Variants in LHPP observed in about 807,000 individuals in gnomAD.
LHPP encodes phospholysine phosphohistidine inorganic pyrophosphate phosphatase.
Under a neutral mutation model 30.3 loss-of-function variants are expected in LHPP, and 24 were observed. The observed-to-expected ratio is 0.79, with a 90% CI of 0.57 to 1.11. LHPP has a LOEUF of 1.11. LHPP is among the 50% of genes most tolerant of loss of function. The pLI, the probability that LHPP is intolerant of heterozygous loss-of-function variation, is 0.00. For synonymous variants in LHPP, 150 were observed against 157.1 expected (o/e 0.95, Z 0.34); for missense variants, 356 against 367.2 (o/e 0.97, Z 0.25).
chr10:124,499,272 G>A (rs1274276728), intron 5 of LHPP, among the ~76,000 whole-genome samples: 5 of 151,470 alleles, frequency 3.3e-5, no homozygotes, highest in Admixed American at 2.0e-4. Flanking sequence ...CTCCTGCCTC[G>A]GCCTCCCAAA....
chr10:124,537,605 G>A (rs755646541), intron 6 of LHPP, among the ~76,000 whole-genome samples: 10 of 152,212 alleles, frequency 6.6e-5, no homozygotes, highest in African/African-American at 2.2e-4. Context: ...GACCGTGCTC[G>A]TGAGAGATGG....
At chr10:124,512,616 CA>C (rs34808470) in intron 5 of LHPP, among the ~76,000 whole-genome samples, 752 of 54,158 alleles carry the variant, frequency 0.014, 2 homozygotes, top group African/African-American at 0.048. Context: ...GACTCCGTCT[CA>C]AAAAAAAAAA....
At chr10:124,572,397 G>A (rs1056724265) in intron 6 of LHPP, among the ~76,000 whole-genome samples, 1 of 152,042 alleles carries the variant, frequency 6.6e-6, no homozygotes, top group African/African-American at 2.4e-5. Flanking sequence ...TTGGGAGGCC[G>A]AGGTGGGTGG....
intron 1 of LHPP, among the ~76,000 whole-genome samples, chr10:124,462,316 G>A (rs191283379): frequency 1.7e-3 from 262 of 152,328 alleles, no homozygotes; most frequent in African/African-American, 6.1e-3. Flanking sequence ...AGACTTAGCC[G>A]GGCGCGGTGG....
chr10:124,489,738 C>T (rs1211714052), intron 3 of LHPP: 1 of 165,318 alleles, frequency 6.0e-6, no homozygotes, highest in East Asian at 1.8e-4. Flanking sequence ...AGGCATGAGC[C>T]ACCGCCCCCA....
At chr10:124,493,545 C>T (rs753005733) in intron 3 of LHPP, among the ~76,000 whole-genome samples, 4 of 152,188 alleles carry the variant, frequency 2.6e-5, no homozygotes, top group Non-Finnish European at 4.4e-5. Flanking sequence ...TCTGTCATGC[C>T]GCTCTCAGAA....
chr10:124,488,596 G>C, intron 3 of LHPP, 21 bp downstream of exon 3: 1 of 1,596,202 alleles, frequency 6.3e-7, no homozygotes, highest in Non-Finnish European at 8.5e-7. Flanking sequence ...TCCAGGGAGA[G>C]TCATTTCTCG....
At chr10:124,484,613 C>G (rs572511980) in intron 2 of LHPP, among the ~76,000 whole-genome samples, 2 of 150,686 alleles carry the variant, frequency 1.3e-5, no homozygotes, top group Admixed American at 1.3e-4. Flanking sequence ...CTAGGATGGA[C>G]CAAGCGGCCA....
rs947829967 is a variant in LHPP, at chr10:124,613,133, C to A, written c.717-131C>A. On this transcript the variant is annotated intron_variant, in intron 6 of 6. Coordinates refer to ENST00000368842, the MANE Select transcript of LHPP (RefSeq NM_022126.4). Reference sequence around the variant, plus strand: ...GAGGGGGATGGCCAGTGGCCACGGGCCAGGCTGCCTGGCAGGACCTGGAGG... The same window carrying A: ...GAGGGGGATGGCCAGTGGCCACGGGACAGGCTGCCTGGCAGGACCTGGAGG... 4.1e-6 allele frequency: 3 copies of A among 740,624 alleles called. No individual in the cohort carries two copies. The Admixed American group carries it at 5.5e-5, about 13-fold the overall frequency. The allele number at this position is 740,624 out of a possible 1,614,324, so 45.9% of individuals were successfully genotyped here. A position where few individuals can be genotyped will look rare whatever the true frequency, so the allele number is the denominator to read the frequency against.
At position 124,613,335 on chromosome 10, in the gene LHPP, T is replaced by A. The variant is rs1564854540; in HGVS notation, c.788T>A (p.Leu263Gln). ...YVDNLAEAVDLLLQHADK is the reference protein window; with the variant it reads ...YVDNLAEAVDQLLQHADK ...GACAACCTCGCAGAGGCAGTGGACCTGCTGCTGCAGCACGCCGACAAGTGA... is the reference window on the plus strand; with the variant it reads ...GACAACCTCGCAGAGGCAGTGGACCAGCTGCTGCAGCACGCCGACAAGTGA... Residue 263 changes from leucine to glutamine, a missense_variant, in exon 7 of 7, where the codon CTG becomes CAG. Coordinates refer to ENST00000368842, the MANE Select transcript of LHPP (RefSeq NM_022126.4). 6.2e-7 allele frequency: 1 copy of A among 1,612,928 alleles called. No individual in the cohort carries two copies. The highest frequency in any genetic ancestry group is 1.3e-5 in the African/African-American group (1 of 74,992).
intron 5 of LHPP, chr10:124,498,494 G>A (rs1220399271): frequency 6.9e-7 from 1 of 1,451,406 alleles, no homozygotes; most frequent in Non-Finnish European, 9.0e-7. Context: ...AAATAATAAA[G>A]TCACTCATTT....
chr10:124,526,405 G>A lies in LHPP; in HGVS notation c.716+9134G>A, dbSNP rs1301510085. The stretch of plus-strand genomic sequence containing the variant: ...GCAAATGGAAGCTCAGAGAGGTGAA[G>A]TAACTTGCCCAAGGCCACACAGCCT... On this transcript the variant is annotated intron_variant, in intron 6 of 6. Transcript: ENST00000368842. The A allele has an allele frequency of 3.5e-5, 7 of 197,676 alleles. No homozygotes were observed. The Admixed American group carries it at 4.6e-4, about 13-fold the overall frequency. The allele number at this position is 197,676 out of a possible 1,614,324, so 12.2% of individuals were successfully genotyped here.
chr10:124,551,718 C>T (rs1425872188), intron 6 of LHPP, among the ~76,000 whole-genome samples: 1 of 152,092 alleles, frequency 6.6e-6, no homozygotes, highest in Non-Finnish European at 1.5e-5. Context: ...TGGCCGGCCC[C>T]CCGGGAAGAA....
At chr10:124,524,048 CT>C (rs1954671681) in intron 6 of LHPP, among the ~76,000 whole-genome samples, 1 of 152,130 alleles carries the variant, frequency 6.6e-6, no homozygotes, top group African/African-American at 2.4e-5. Flanking sequence ...TTTCTTTTGT[CT>C]CTTTTGGTAA....
At chr10:124,602,460 A>G (rs1589711395) in intron 6 of LHPP, among the ~76,000 whole-genome samples, 1 of 152,244 alleles carries the variant, frequency 6.6e-6, no homozygotes, top group Non-Finnish European at 1.5e-5. Flanking sequence ...TGGCTGGTGG[A>G]GAGCTCTGGG....
intron 6 of LHPP, chr10:124,612,745 G>A (rs1343663810): frequency 6.5e-6 from 1 of 154,854 alleles, no homozygotes; most frequent in Non-Finnish European, 1.4e-5. Context: ...CGTGGCCTCA[G>A]AGGGCACCAA....
intron 6 of LHPP, among the ~76,000 whole-genome samples, chr10:124,612,502 C>T (rs763914371): frequency 1.4e-4 from 22 of 152,176 alleles, no homozygotes; most frequent in East Asian, 3.9e-4. Flanking sequence ...CGTGTCTACC[C>T]GTAGCTCCTG....
intron 1 of LHPP, among the ~76,000 whole-genome samples, chr10:124,469,233 G>A (rs1952651747): frequency 6.6e-6 from 1 of 152,048 alleles, no homozygotes; most frequent in South Asian, 2.1e-4. Context: ...GGGAACACAT[G>A]CCTCCGTGGC....
chr10:124,501,609 A>C (rs1447105388), intron 5 of LHPP, among the ~76,000 whole-genome samples: 2 of 150,686 alleles, frequency 1.3e-5, no homozygotes, highest in Non-Finnish European at 2.9e-5. Flanking sequence ...CTTAAAAAAA[A>C]AAAAAAAAAA....
Sources: allele counts gnomAD v4.1 joint callset (sites outside exome capture counted in the v4.1 genomes callset), GRCh38; gene constraint gnomAD v4.1.1; transcripts MANE v1.5; gene names NCBI Gene and HGNC (gene_info 2026-07-23, HGNC 2026-07-21).